RALGPS1: variants seen among roughly 807,000 people sequenced by gnomAD.
RALGPS1 encodes the protein Ral GEF with PH domain and SH3 binding motif 1, also known as ras-specific guanine nucleotide-releasing factor RalGPS1.
RALGPS1 carries 19 observed loss-of-function variants against 78.8 expected under a neutral mutation model. The observed-to-expected ratio is 0.24, with a 90% CI of 0.17 to 0.35. The LOEUF is 0.35. RALGPS1 is among the 10% of genes least tolerant of loss of function. The pLI is 1.00. For missense variants in RALGPS1, 454 were observed against 688.3 expected, an observed-to-expected ratio of 0.66 and a Z score of 3.81; for synonymous variants, 228 against 256.3, an observed-to-expected ratio of 0.89 and a Z score of 1.06.
intron 8 of RALGPS1, among the ~76,000 whole-genome samples, chr9:127,090,092 C>G (rs2052284997): frequency 6.6e-6 from 1 of 152,182 alleles, no homozygotes; most frequent in African/African-American, 2.4e-5. Flanking sequence ...GGGGGTCCCT[C>G]TGGGCCATGA....
intron 4 of RALGPS1, among the ~76,000 whole-genome samples, chr9:126,985,049 G>A (rs2041668664): frequency 2.0e-5 from 3 of 152,302 alleles, no homozygotes; most frequent in Non-Finnish European, 4.4e-5. Context: ...TACCTTCACT[G>A]TGGGTGGTGT....
chr9:126,939,590 G>C (rs686743), intron 1 of RALGPS1, among the ~76,000 whole-genome samples: 91,527 of 152,108 alleles, frequency 0.6, 30,873 homozygotes, highest in East Asian at 0.81. Flanking sequence ...AATCCTGTAT[G>C]CCCACTTTAC....
intron 1 of RALGPS1, among the ~76,000 whole-genome samples, chr9:126,943,386 G>T (rs765143895): frequency 1.3e-5 from 2 of 152,108 alleles, no homozygotes; most frequent in African/African-American, 2.4e-5. Context: ...CAAGTGATCT[G>T]CCCTCCTTGG....
chr9:127,050,721 C>T (rs955104826), intron 6 of RALGPS1, among the ~76,000 whole-genome samples: 4 of 152,098 alleles, frequency 2.6e-5, no homozygotes, highest in African/African-American at 9.7e-5. Flanking sequence ...TATGCCATCC[C>T]GTGGGCCATC....
chr9:126,984,987 G>A (rs572303908), intron 4 of RALGPS1, among the ~76,000 whole-genome samples: 2 of 152,246 alleles, frequency 1.3e-5, no homozygotes, highest in Non-Finnish European at 2.9e-5. Context: ...CATAGTTAGG[G>A]TAGATGATAT....
intron 11 of RALGPS1, among the ~76,000 whole-genome samples, chr9:127,188,711 A>G (rs1020084061): frequency 6.6e-6 from 1 of 151,780 alleles, no homozygotes; most frequent in African/African-American, 2.4e-5. Context: ...CATGCCTGCA[A>G]TTCCAGCACT....
chr9:126,962,359 C>G lies in RALGPS1; in HGVS notation c.57+13C>G, dbSNP rs924356615. ...TGCCACTCCACAGGTACTGAGGCTG[C>G]AAGAATCGGGACAGTGGGTAGAGGG... On this transcript the variant is annotated intron_variant, in intron 2 of 18. Transcript: ENST00000259351. The G allele has an allele frequency of 1.9e-6, 3 of 1,613,614 alleles. No individual in the cohort carries two copies. Among genetic ancestry groups the G allele is most frequent in the East Asian group, 4.5e-5 (2 of 44,844 alleles).
chr9:127,166,242 C>CTGAGG, intron 9 of RALGPS1, 36 bp downstream of exon 9: 1 of 1,607,304 alleles, frequency 6.2e-7, no homozygotes, highest in Middle Eastern at 1.7e-4. Flanking sequence ...TGAAATCTTA[C>CTGAGG]GTCATTGAAA....
chr9:127,111,209 C>A (rs756571498), intron 8 of RALGPS1, among the ~76,000 whole-genome samples: 1 of 152,170 alleles, frequency 6.6e-6, no homozygotes, highest in Non-Finnish European at 1.5e-5. Context: ...CCCCCTTCTT[C>A]GTTGTTTGTT....
chr9:126,965,387 C>G (rs1285751184), intron 2 of RALGPS1, among the ~76,000 whole-genome samples: 1 of 152,218 alleles, frequency 6.6e-6, no homozygotes, highest in African/African-American at 2.4e-5. Flanking sequence ...CAGATTGTCT[C>G]CTCAGGCCTC....
chr9:127,182,324 T>A, intron 11 of RALGPS1, among the ~76,000 whole-genome samples: 1 of 149,576 alleles, frequency 6.7e-6, no homozygotes, highest in South Asian at 2.1e-4. Flanking sequence ...CTTCCTTCCT[T>A]CCTTCCTGCC....
chr9:126,935,353 G>C (rs2036160926), intron 1 of RALGPS1, among the ~76,000 whole-genome samples: 1 of 152,180 alleles, frequency 6.6e-6, no homozygotes, highest in Admixed American at 6.5e-5. Flanking sequence ...CGTCCCCTTT[G>C]TTGCCATGGC....
At chr9:127,200,184 T>C (rs1197911904) in intron 14 of RALGPS1, among the ~76,000 whole-genome samples, 10 of 152,216 alleles carry the variant, frequency 6.6e-5, no homozygotes, top group Admixed American at 6.5e-4. Context: ...CCTCTGGCGC[T>C]GAAGCTTCTC....
At chr9:126,935,766 CAG>C (rs1249395645) in intron 1 of RALGPS1, among the ~76,000 whole-genome samples, 2 of 152,228 alleles carry the variant, frequency 1.3e-5, no homozygotes, top group African/African-American at 4.8e-5. Flanking sequence ...GGAGTAATCT[CAG>C]AGATGAGTAA....
At chr9:127,027,370 C>T (rs1009377619) in intron 4 of RALGPS1, among the ~76,000 whole-genome samples, 4 of 152,186 alleles carry the variant, frequency 2.6e-5, no homozygotes, top group African/African-American at 9.7e-5. Flanking sequence ...TTGTCACAGA[C>T]ACAGATGATG....
intron 4 of RALGPS1, among the ~76,000 whole-genome samples, chr9:127,001,062 C>G (rs539296374): frequency 6.6e-6 from 1 of 150,860 alleles, no homozygotes; most frequent in Non-Finnish European, 1.5e-5. Flanking sequence ...GTTGCTTGAG[C>G]CTAACATAGT....
intron 4 of RALGPS1, among the ~76,000 whole-genome samples, chr9:127,024,924 A>G (rs1187416147): frequency 6.6e-6 from 1 of 151,584 alleles, no homozygotes. Context: ...CGTCATATTT[A>G]TTGAGGTTTA....
chr9:127,069,823 T>C (rs1043219456), intron 8 of RALGPS1: 2 of 152,630 alleles, frequency 1.3e-5, no homozygotes, highest in African/African-American at 4.8e-5. Context: ...AAAGTTAATA[T>C]CTTTTGTTAT....
At chr9:127,068,909 G>A (rs1192226824) in intron 7 of RALGPS1, among the ~76,000 whole-genome samples, 1 of 152,198 alleles carries the variant, frequency 6.6e-6, no homozygotes, top group Non-Finnish European at 1.5e-5. Context: ...GGAAAGGGGT[G>A]GTAACATCCA....
Sources: allele counts gnomAD v4.1 joint callset (sites outside exome capture counted in the v4.1 genomes callset), GRCh38; gene constraint gnomAD v4.1.1; transcripts MANE v1.5; gene names NCBI Gene and HGNC (gene_info 2026-07-23, HGNC 2026-07-21).